The following VPS35 variants were observed in gnomAD, a reference collection of about 807,000 sequenced individuals.
VPS35 encodes the protein vacuolar protein sorting-associated protein 35.
In VPS35, 21 loss-of-function variants were observed where a neutral mutation model predicts 98.1. That is an observed-to-expected ratio of 0.21 (90% CI 0.15 to 0.31). The LOEUF is 0.31. Among genes scored for constraint, VPS35 ranks in the 10% least tolerant of loss-of-function variants. The pLI is 1.00. For missense variants in VPS35, 554 were observed against 950.8 expected (o/e 0.58, Z 5.49); for synonymous variants, 268 against 318.2 (o/e 0.84, Z 1.68).
At chr16:46,686,203 T>C (rs529915628) in intron 1 of VPS35, among the ~76,000 whole-genome samples, 40 of 152,296 alleles carry the variant, frequency 2.6e-4, no homozygotes, top group Non-Finnish European at 7.4e-5. Flanking sequence ...TGTTGCAGTA[T>C]GTGCCAGAAT....
chr16:46,668,320 A>G (rs1966018454), intron 13 of VPS35, among the ~76,000 whole-genome samples: 1 of 152,200 alleles, frequency 6.6e-6, no homozygotes, highest in African/African-American at 2.4e-5. Flanking sequence ...GCTTGAACCC[A>G]GGAGTTGGAG....
chr16:46,663,004 G>GAC lies in VPS35; in HGVS notation c.1804_1805dup (p.Ala603SerfsTer24). On this transcript the variant is annotated frameshift_variant, in exon 14 of 17. Transcript: ENST00000299138. LOFTEE classifies it high-confidence loss of function. ...TCACCTGGGACATGAATTCATATGC[G>GAC]ACTGTCTCATGATTTTCAAAACCAA... 1 of 1,614,176 alleles carries GAC rather than the reference G, an allele frequency of 6.2e-7. No homozygotes were observed. The highest frequency in any genetic ancestry group is 8.5e-7 in the Non-Finnish European group (1 of 1,180,036).
chr16:46,679,345 G>C (rs966087094), intron 5 of VPS35, among the ~76,000 whole-genome samples, 189 bp from the exon 6 acceptor site: 1 of 152,174 alleles, frequency 6.6e-6, no homozygotes, highest in African/African-American at 2.4e-5. Context: ...CCATGGAGAG[G>C]ACAGTATAAA....
chr16:46,673,647 A>G (rs1966099627), intron 10 of VPS35: 1 of 153,296 alleles, frequency 6.5e-6, no homozygotes, highest in African/African-American at 2.4e-5. Context: ...TACTGTTGAT[A>G]TTTCCTTTAA....
chr16:46,666,430 A>G (rs1965990492), intron 13 of VPS35, among the ~76,000 whole-genome samples: 1 of 151,796 alleles, frequency 6.6e-6, no homozygotes, highest in African/African-American at 2.4e-5. Flanking sequence ...CACCACGCCC[A>G]GCTAATTTTG....
At chr16:46,680,340 T>C (rs1356802841) in intron 5 of VPS35, among the ~76,000 whole-genome samples, 2 of 152,250 alleles carry the variant, frequency 1.3e-5, no homozygotes, top group Admixed American at 1.3e-4. Flanking sequence ...TCACACTTTA[T>C]TATTTCATTA....
chr16:46,682,110 A>G lies in VPS35; in HGVS notation c.168T>C (p.Ser56=), dbSNP rs748800470. The change falls in exon 3 of 17, where the codon TCT becomes TCC. Residue 56 remains serine (S), a synonymous_variant. Coordinates refer to ENST00000299138, the MANE Select transcript of VPS35 (RefSeq NM_018206.6). ...ASNMLGELRT[S]MLSPKSYYEL... ...CATAGTAACTCTTTGGTGATAACAT[A>G]GAAGTCCGGAGTTCACCAAGCATAT... 6.2e-7 allele frequency: 1 copy of G among 1,613,464 alleles called. No individual in the cohort carries two copies. Among genetic ancestry groups the G allele is most frequent in the South Asian group, 1.1e-5 (1 of 91,074 alleles).
intron 13 of VPS35, among the ~76,000 whole-genome samples, chr16:46,663,862 A>ATTTTTTTTTT (rs546485076): frequency 0.075 from 2,139 of 28,684 alleles, 780 homozygotes; most frequent in Non-Finnish European, 0.093. Context: ...CACCTGGCTA[A>ATTTTTTTTTT]TTTTTTTTTT....
At position 46,660,503 on chromosome 16, in the gene VPS35, T is replaced by C; in HGVS notation, c.2360A>G (p.Glu787Gly). The C allele has an allele frequency of 6.2e-7, 1 of 1,614,024 alleles. No homozygotes were observed. The highest frequency in any genetic ancestry group is 8.5e-7 in the Non-Finnish European group (1 of 1,180,010). The part of the protein sequence containing the change: ...LRLRRESPES[E>G]GPIYEGLIL ...GATGAGACCTTCATAAATTGGCCCCTCGGATTCTGGTGATTCCCGCCGCAA... is the reference window on the plus strand; with the variant it reads ...GATGAGACCTTCATAAATTGGCCCCCCGGATTCTGGTGATTCCCGCCGCAA... The change falls in exon 17 of 17, where the codon GAG becomes GGG. Residue 787 changes from glutamate (E) to glycine (G), a missense_variant. Around this residue, in one of 5 missense-constraint regions of VPS35, gnomAD observed 153 missense variants for 211.0 expected, o/e 0.73. Coordinates refer to ENST00000299138, the MANE Select transcript of VPS35 (RefSeq NM_018206.6).
intron 8 of VPS35, among the ~76,000 whole-genome samples, chr16:46,675,819 C>T (rs1966141220): frequency 6.6e-6 from 1 of 152,038 alleles, no homozygotes; most frequent in African/African-American, 2.4e-5. Context: ...AATCCCAGCA[C>T]TTTGGGAAGC....
chr16:46,677,624 C>T, intron 6 of VPS35: 2 of 501,250 alleles, frequency 4.0e-6, no homozygotes, highest in South Asian at 4.1e-5. Flanking sequence ...CAACATCCAC[C>T]TCCTAGGCTC....
chr16:46,671,732 G>A lies in VPS35; in HGVS notation c.1497C>T (p.Arg499=). The A allele has an allele frequency of 2.5e-6, 4 of 1,614,184 alleles. No individual in the cohort carries two copies. The highest frequency in any genetic ancestry group is 3.4e-6 in the Non-Finnish European group (4 of 1,180,016). ...AGTACTGCTGGTCAGGGTCCTCAGA[G>A]CGCAGCAGATGAATGAAGCGGCCCA... ...SLVGRFIHLL[R]SEDPDQQYLI... Residue 499 remains arginine, a synonymous_variant, in exon 12 of 17, where the codon CGC becomes CGT. Coordinates refer to ENST00000299138, the MANE Select transcript of VPS35 (RefSeq NM_018206.6).
intron 1 of VPS35, 21 bp downstream of exon 1, chr16:46,689,110 C>T: frequency 6.2e-7 from 1 of 1,607,694 alleles, no homozygotes; most frequent in Non-Finnish European, 8.5e-7. Context: ...ACCCAGGTGC[C>T]ACTGCCCCCT....
intron 1 of VPS35, among the ~76,000 whole-genome samples, chr16:46,683,810 C>T (rs1257634986): frequency 1.3e-5 from 2 of 152,084 alleles, no homozygotes; most frequent in African/African-American, 2.4e-5. Flanking sequence ...TGGCAAGCTC[C>T]GCCTCCCGGG....
At position 46,662,434 on chromosome 16, in the gene VPS35, C is replaced by G; in HGVS notation, c.1876G>C (p.Ala626Pro). The change falls in exon 15 of 17, where the codon GCT becomes CCT. Residue 626 changes from alanine to proline, a missense_variant. Coordinates refer to ENST00000299138, the MANE Select transcript of VPS35 (RefSeq NM_018206.6). The part of the protein sequence containing the change: ...DEISDSKAQL[A>P]AITLIIGTFE... ...GTGCCAATGATCAAGGTGATGGCAG[C>G]TAGCTGTGCTTTGGAATCGCTGATT... The G allele has an allele frequency of 6.2e-7, 1 of 1,614,198 alleles. No homozygotes were observed. Among genetic ancestry groups the G allele is most frequent in the Non-Finnish European group, 8.5e-7 (1 of 1,180,044 alleles).
intron 1 of VPS35, chr16:46,688,906 C>A: frequency 6.9e-7 from 1 of 1,455,428 alleles, no homozygotes; most frequent in East Asian, 2.5e-5. Context: ...GCCGCCCCGT[C>A]TCTCAGCAAC....
chr16:46,677,272 A>T (rs1251043921), intron 7 of VPS35, 43 bp downstream of exon 7: 4 of 1,548,762 alleles, frequency 2.6e-6, no homozygotes. Context: ...TTAATGAAAG[A>T]TAAAATAGGT....
chr16:46,677,563 T>G (rs1272330412), intron 6 of VPS35, 165 bp from the exon 7 acceptor site: 3 of 641,276 alleles, frequency 4.7e-6, no homozygotes, highest in Non-Finnish European at 8.3e-6. Context: ...TGAGACAAGG[T>G]CTTGTTCGGT....
chr16:46,687,302 G>C (rs1479836372), intron 1 of VPS35, among the ~76,000 whole-genome samples: 1 of 151,922 alleles, frequency 6.6e-6, no homozygotes, highest in Non-Finnish European at 1.5e-5. Context: ...GAAGTAGAGA[G>C]AAATAAGGAT....
Sources: allele counts gnomAD v4.1 joint callset (sites outside exome capture counted in the v4.1 genomes callset), GRCh38; gene constraint gnomAD v4.1.1; regional missense constraint gnomAD v4.1.1; transcripts MANE v1.5; gene names NCBI Gene and HGNC (gene_info 2026-07-23, HGNC 2026-07-21).